The following GALNT3 variants were observed in gnomAD, a reference collection of about 807,000 sequenced individuals.
The protein encoded by GALNT3 is polypeptide N-acetylgalactosaminyltransferase 3.
A neutral mutation model predicts 69.8 loss-of-function variants in GALNT3; 51 were observed. The observed-to-expected ratio is 0.73, with a 90% CI of 0.58 to 0.92. GALNT3 has a LOEUF of 0.92. GALNT3 is among the 40% of genes least tolerant of loss of function. GALNT3 has a pLI of 0.00. For synonymous variants in GALNT3, 265 were observed against 248.5 expected (o/e 1.07, Z -0.63); for missense variants, 711 against 760.0 (o/e 0.94, Z 0.76).
chr2:165,789,704 TA>T lies in GALNT3; in HGVS notation c.-109+4310del, dbSNP rs34701222. On this transcript the variant is annotated intron_variant, in intron 1 of 10. Transcript: ENST00000392701. Reference sequence around the variant, plus strand: ...GGCAACATAGTGAGACCTTGTCTCATAAAAAAAAAAAAAAATCTGATTTTTT... The same window carrying T: ...GGCAACATAGTGAGACCTTGTCTCATAAAAAAAAAAAAAATCTGATTTTTT... Among the ~76,000 whole-genome samples the T allele has an allele frequency of 6.8e-3, 1,022 of 149,602 alleles. 3 individuals carry two copies. The highest frequency in any genetic ancestry group is 0.015 in the African/African-American group (597 of 40,922).
chr2:165,764,764 T>C, intron 3 of GALNT3, 120 bp downstream of exon 3: 1 of 983,826 alleles, frequency 1.0e-6, no homozygotes, highest in Non-Finnish European at 1.6e-6. Flanking sequence ...CCATACCCAC[T>C]ATCCAAACTA....
chr2:165,776,281 A>G (rs1160312459), intron 1 of GALNT3, among the ~76,000 whole-genome samples: 20 of 152,174 alleles, frequency 1.3e-4, no homozygotes, highest in Admixed American at 1.3e-3. Flanking sequence ...AAACAAAACA[A>G]ATCTCTCCTA....
intron 3 of GALNT3, 49 bp from the exon 4 acceptor site, chr2:165,762,103 A>AAGC: frequency 7.6e-7 from 1 of 1,308,664 alleles, no homozygotes; most frequent in Non-Finnish European, 1.1e-6. Context: ...GCATTTTCAT[A>AAGC]TATAGCTTAT....
intron 1 of GALNT3, among the ~76,000 whole-genome samples, chr2:165,774,304 G>A (rs758520226): frequency 2.6e-5 from 4 of 152,294 alleles, no homozygotes; most frequent in South Asian, 2.1e-4. Flanking sequence ...AGGAATTTGA[G>A]AAGAATTGAG....
At chr2:165,767,395 T>C (rs1396744650) in intron 2 of GALNT3, among the ~76,000 whole-genome samples, 1 of 152,174 alleles carries the variant, frequency 6.6e-6, no homozygotes, top group East Asian at 1.9e-4. Flanking sequence ...AATCGATAAT[T>C]ATAAAATGGT....
intron 9 of GALNT3, among the ~76,000 whole-genome samples, chr2:165,750,541 G>A (rs1688340065): frequency 6.6e-6 from 1 of 152,060 alleles, no homozygotes; most frequent in Non-Finnish European, 1.5e-5. Context: ...TCACTTCCGT[G>A]TACTCACTTC....
At chr2:165,785,134 G>A (rs1000261421) in intron 1 of GALNT3, among the ~76,000 whole-genome samples, 3 of 152,040 alleles carry the variant, frequency 2.0e-5, no homozygotes, top group Admixed American at 1.3e-4. Flanking sequence ...CTAGTGAAAT[G>A]GCACACCTGT....
At chr2:165,769,434 TAATAATA>T (rs1318512933) in intron 2 of GALNT3, among the ~76,000 whole-genome samples, 25 of 141,242 alleles carry the variant, frequency 1.8e-4, no homozygotes, top group African/African-American at 2.7e-4. Context: ...ATAATAATAA[TAATAATA>T]AATAAATAAA....
At chr2:165,765,868 G>T (rs1688634648) in intron 2 of GALNT3, among the ~76,000 whole-genome samples, 1 of 152,156 alleles carries the variant, frequency 6.6e-6, no homozygotes, top group East Asian at 1.9e-4. Context: ...GTATTTCCTA[G>T]GTTTATTGAA....
At chr2:165,756,782 C>T (rs1014799826) in intron 7 of GALNT3, among the ~76,000 whole-genome samples, 4 of 152,084 alleles carry the variant, frequency 2.6e-5, no homozygotes, top group African/African-American at 4.8e-5. Context: ...TAATTTTCTT[C>T]GAGTAAAATA....
intron 7 of GALNT3, among the ~76,000 whole-genome samples, chr2:165,755,385 G>A (rs1688428087): frequency 1.3e-5 from 2 of 152,280 alleles, no homozygotes; most frequent in Middle Eastern, 3.4e-3. Flanking sequence ...AATGGTGGTA[G>A]GAGCATCCAA....
Position 165,754,646 on chromosome 2 carries a change from T to C in GALNT3, c.1607A>G (p.His536Arg). ...GGKPLIMYTC[H>R]GLGGNQYFEY... ...GCTCACCTGGTTTCCCCCAAGTCCA[T>C]GACATGTATACATAATTAATGGTTT... The change falls in exon 9 of 11, where the codon CAT (histidine) becomes CGT (arginine). Residue 536 changes from histidine (H) to arginine (R), a missense_variant. Physicochemically the swap from His to Arg is conservative, Grantham distance 29 (BLOSUM62 0). Transcript: ENST00000392701. 6.2e-7 allele frequency: 1 copy of C among 1,613,014 alleles called. No homozygotes were observed. Among genetic ancestry groups the C allele is most frequent in the Non-Finnish European group, 8.5e-7 (1 of 1,179,162 alleles).
chr2:165,754,317 C>T lies in GALNT3; in HGVS notation c.1626+310G>A, dbSNP rs13406280. Reference sequence around the variant, plus strand: ...ATTCGCCAGGCTGGCCTTGAACTCCCGGCCTCAAGTGATCCACCCACCTCA... The same window carrying T: ...ATTCGCCAGGCTGGCCTTGAACTCCTGGCCTCAAGTGATCCACCCACCTCA... On this transcript the variant is annotated intron_variant, in intron 9 of 10. Transcript: ENST00000392701. Among the ~76,000 whole-genome samples, 58,076 of 149,762 alleles carry T rather than the reference C, an allele frequency of 0.39. 12,533 individuals are homozygous for T. Among genetic ancestry groups the T allele is most frequent in the Non-Finnish European group, 0.49 (33,325 of 67,562 alleles).
At chr2:165,789,171 A>G (rs1683292001) in intron 1 of GALNT3, among the ~76,000 whole-genome samples, 1 of 152,202 alleles carries the variant, frequency 6.6e-6, no homozygotes, top group South Asian at 2.1e-4. Flanking sequence ...TAAACAACAC[A>G]AATATACCAC....
At chr2:165,774,602 A>G (rs1469255404) in intron 1 of GALNT3, among the ~76,000 whole-genome samples, 3 of 152,160 alleles carry the variant, frequency 2.0e-5, no homozygotes, top group Non-Finnish European at 2.9e-5. Flanking sequence ...AGACCCATTC[A>G]ATTAGTAGGT....
At chr2:165,789,227 T>C (rs1020720205) in intron 1 of GALNT3, among the ~76,000 whole-genome samples, 2 of 152,198 alleles carry the variant, frequency 1.3e-5, no homozygotes, top group Admixed American at 1.3e-4. Context: ...TGCTGGCAGA[T>C]TCAATGTCTG....
rs1688506665 is a variant in GALNT3, at chr2:165,759,536, C to T, written c.873G>A (p.Leu291=). ...CCGTGTAGTTCTCAGCTATTCTGGCCAACAGAGGTTCTAGCCAACCATAGA... is the reference window on the plus strand; with the variant it reads ...CCGTGTAGTTCTCAGCTATTCTGGCTAACAGAGGTTCTAGCCAACCATAGA... ...ECFYGWLEPL[L]ARIAENYTAV... is the part of the protein sequence containing the mutation. Residue 291 remains leucine (L), a synonymous_variant, in exon 5 of 11, where the codon TTG becomes TTA. Coordinates refer to ENST00000392701, the MANE Select transcript of GALNT3 (RefSeq NM_004482.4). 2 of 1,613,704 alleles carry T rather than the reference C, an allele frequency of 1.2e-6. No homozygotes were observed. The highest frequency in any genetic ancestry group is 4.5e-5 in the East Asian group (2 of 44,838).
rs1352981584 is a variant in GALNT3, at chr2:165,758,746, C to T, written c.1191+1G>A. 1 of 1,501,526 alleles carries T rather than the reference C, an allele frequency of 6.7e-7. No homozygotes were observed. The highest frequency in any genetic ancestry group is 1.7e-5 in the Admixed American group (1 of 59,844). The allele number at this position is 1,501,526 out of a possible 1,614,324, so 93.0% of individuals were successfully genotyped here. ...GCTATATTTAATTTCCATAAACTTA[C>T]TCTGAAAGACATTTCTATATTTTCA... On this transcript the variant is annotated splice_donor_variant, in intron 6 of 10. Transcript: ENST00000392701. LOFTEE classifies it high-confidence loss of function.
At chr2:165,750,037 T>G in intron 9 of GALNT3, 143 bp from the exon 10 acceptor site, 4 of 802,910 alleles carry the variant, frequency 5.0e-6, no homozygotes, top group Non-Finnish European at 8.2e-6. Flanking sequence ...ATTAGAAACA[T>G]AAGCTGAGTT....
Sources: allele counts gnomAD v4.1 joint callset (sites outside exome capture counted in the v4.1 genomes callset), GRCh38; gene constraint gnomAD v4.1.1; transcripts MANE v1.5; gene names NCBI Gene and HGNC (gene_info 2026-07-23, HGNC 2026-07-21).